GPR89B: variants seen among roughly 807,000 people sequenced by gnomAD.
The protein encoded by GPR89B is golgi pH regulator B.
A neutral mutation model predicts 52.4 loss-of-function variants in GPR89B; 25 were observed. The observed-to-expected ratio is 0.48, with a 90% confidence interval of 0.35 to 0.67. The LOEUF (loss-of-function observed/expected upper bound fraction) is 0.67. GPR89B is among the 30% of genes least tolerant of loss of function. The pLI is 0.01. For missense variants in GPR89B, 146 were observed against 450.2 expected (o/e 0.32, Z 6.11); for synonymous variants, 52 against 151.2 (o/e 0.34, Z 4.81).
At chr1:148,009,493 C>G in the GPR89B span, 173 of 1,597,760 alleles carry the variant, frequency 1.1e-4, no homozygotes, top group Non-Finnish European at 1.3e-4. Flanking sequence ...TGACCCAACT[C>G]TTTCAAGTCC....
intron 10 of GPR89B, among the ~76,000 whole-genome samples, chr1:147,971,157 C>CTT (rs1197016559): frequency 0.081 from 11,754 of 144,446 alleles, 978 homozygotes; most frequent in African/African-American, 0.2. Flanking sequence ...GGAAGCATGT[C>CTT]TTTTTTTTTT....
chr1:147,939,455 A>G (rs1654364507), intron 3 of GPR89B, among the ~76,000 whole-genome samples: 1 of 152,182 alleles, frequency 6.6e-6, no homozygotes, highest in Admixed American at 6.5e-5. Context: ...GGGTTCATCA[A>G]CTATGCTATG....
At chr1:147,953,055 A>G (rs1230141908) in intron 5 of GPR89B, among the ~76,000 whole-genome samples, 11 of 143,082 alleles carry the variant, frequency 7.7e-5, no homozygotes, top group Admixed American at 1.4e-4. Context: ...GTTAGCATTC[A>G]TGCTACCAAG....
chr1:147,980,519 TAG>T (rs1236294548), intron 10 of GPR89B, among the ~76,000 whole-genome samples: 1 of 130,928 alleles, frequency 7.6e-6, no homozygotes, highest in African/African-American at 3.0e-5. Flanking sequence ...ATAGAACCTG[TAG>T]AGACTGTTAT....
the GPR89B span, among the ~76,000 whole-genome samples, chr1:148,009,073 G>C: frequency 6.6e-6 from 1 of 152,178 alleles, no homozygotes; most frequent in African/African-American, 2.4e-5. Flanking sequence ...GAGTCCTCAA[G>C]TGTCAGCCTG....
the GPR89B span, among the ~76,000 whole-genome samples, chr1:148,025,384 G>A: frequency 5.3e-5 from 8 of 151,480 alleles, no homozygotes; most frequent in African/African-American, 9.8e-5. Flanking sequence ...ATTGCCAGGC[G>A]CAGTGGCTCA....
chr1:147,934,481 T>C (rs1219179012), intron 1 of GPR89B, among the ~76,000 whole-genome samples: 3 of 152,158 alleles, frequency 2.0e-5, no homozygotes, highest in Admixed American at 6.5e-5. Context: ...TTGATTCTTA[T>C]TCATCCTTTG....
Position 147,990,033 on chromosome 1 carries a change from C to T in GPR89B, c.1095+1512C>T, listed in dbSNP as rs1174903833. On this transcript the variant is annotated intron_variant, in intron 12 of 13. Coordinates refer to ENST00000314163, the MANE Select transcript of GPR89B (RefSeq NM_016334.5). ...TTCTAGTTGTAGATCCTTGAGGAATCGCCACACTGCCTTCCACAATGGTTG... is the reference window on the plus strand; with the variant it reads ...TTCTAGTTGTAGATCCTTGAGGAATTGCCACACTGCCTTCCACAATGGTTG... Among the ~76,000 whole-genome samples, 379 of 152,310 alleles carry T rather than the reference C, an allele frequency of 2.5e-3. 3 individuals carry two copies. The highest frequency in any genetic ancestry group is 8.1e-3 in the African/African-American group (335 of 41,564).
chr1:147,931,757 C>G (rs781872979), intron 1 of GPR89B, among the ~76,000 whole-genome samples: 4 of 149,928 alleles, frequency 2.7e-5, no homozygotes, highest in Admixed American at 1.3e-4. Context: ...CCCAAGTAGT[C>G]TCCAGTTTCT....
chr1:147,986,376 A>G (rs1658670464), intron 11 of GPR89B, 82 bp downstream of exon 11: 1 of 1,587,710 alleles, frequency 6.3e-7, no homozygotes, highest in Non-Finnish European at 8.6e-7. Flanking sequence ...TCTAATTTGT[A>G]TACTTTAGGT....
At chr1:148,014,870 G>GA in the GPR89B span, 2 of 151,074 alleles carry the variant, frequency 1.3e-5, no homozygotes, top group Non-Finnish European at 2.9e-5. Flanking sequence ...AGGACGGGGG[G>GA]AAGGCCATTC....
rs587649054 is a variant in GPR89B at position 147,935,848 on chromosome 1, C to T, written c.43-779C>T. On this transcript the variant is annotated intron_variant, in intron 1 of 13. Coordinates refer to ENST00000314163, the MANE Select transcript of GPR89B (RefSeq NM_016334.5). ...TTCCTAGGCTCAGGTGATCTTCCCA[C>T]CTCAGCCTCCCAGGTGGCTGGGACT... Among the ~76,000 whole-genome samples, 3 of 152,240 alleles carry T rather than the reference C, an allele frequency of 2.0e-5. No individual in the cohort carries two copies. The South Asian group carries it at 6.2e-4, about 32-fold the overall frequency.
At chr1:148,015,293 ATCTCTCTCTCTCTCTCTCTCTC>A in the GPR89B span, among the ~76,000 whole-genome samples, 2 of 69,886 alleles carry the variant, frequency 2.9e-5, no homozygotes, top group African/African-American at 1.3e-4. Flanking sequence ...GGATTCTAGG[ATCTCTCTCTCTCTCTCTCTCTC>A]TCTCTCTCTC....
chr1:147,933,747 T>G (rs1221347005), intron 1 of GPR89B, among the ~76,000 whole-genome samples: 1 of 151,956 alleles, frequency 6.6e-6, no homozygotes, highest in Admixed American at 6.6e-5. Context: ...TCACCAAATG[T>G]CTTAATTCAG....
At chr1:147,994,287 A>G (rs1387609332), downstream of GPR89B, 2 of 1,566,422 alleles carry the variant, frequency 1.3e-6, no homozygotes, top group South Asian at 1.1e-5. Context: ...AGCCAAAGCT[A>G]TTACTTGTTT....
At chr1:148,002,205 G>C in the GPR89B span, among the ~76,000 whole-genome samples, 1 of 151,936 alleles carries the variant, frequency 6.6e-6, no homozygotes, top group Non-Finnish European at 1.5e-5. Context: ...CCTGTTAGTG[G>C]AGCAACATCA....
intron 5 of GPR89B, among the ~76,000 whole-genome samples, chr1:147,951,482 T>G (rs2797070): frequency 1.3e-5 from 2 of 152,046 alleles, no homozygotes; most frequent in East Asian, 1.9e-4. Flanking sequence ...AAGAAGCCTG[T>G]CTATTAAGGA....
intron 10 of GPR89B, among the ~76,000 whole-genome samples, chr1:147,981,416 A>C (rs1466801062): frequency 1.4e-5 from 2 of 147,006 alleles, no homozygotes; most frequent in Non-Finnish European, 3.0e-5. Flanking sequence ...GCGGGGGAGG[A>C]TCGCTTGAGC....
chr1:147,966,152 T>C (rs1657022309), intron 7 of GPR89B, among the ~76,000 whole-genome samples: 1 of 152,038 alleles, frequency 6.6e-6, no homozygotes, highest in Non-Finnish European at 1.5e-5. Flanking sequence ...CAGCCAGGTA[T>C]GTTAGCTGTT....
Sources: gnomAD v4.1 joint callset for allele counts (sites outside exome capture counted in the v4.1 genomes callset) on GRCh38, gnomAD v4.1.1 for gene constraint, MANE v1.5 for transcripts, NCBI Gene and HGNC (gene_info 2026-07-23, HGNC 2026-07-21) for gene names.